NCOA2: variants seen among roughly 807,000 people sequenced by gnomAD.
NCOA2 encodes class E basic helix-loop-helix protein 75.
Under a neutral mutation model 145.1 loss-of-function variants are expected in NCOA2, and 21 were observed. The ratio of observed to expected loss-of-function variants is 0.14; its 90% CI spans 0.10 to 0.21. The LOEUF is 0.21. NCOA2 is among the 10% of genes least tolerant of loss of function. The pLI is 1.00. For synonymous variants in NCOA2, 619 were observed against 637.5 expected (o/e 0.97, Z 0.44); for missense variants, 1,472 against 1,837.6 (o/e 0.80, Z 3.64).
At chr8:70,441,564 GAGAAAGAA>G in the NCOA2 span, among the ~76,000 whole-genome samples, 2 of 148,800 alleles carry the variant, frequency 1.3e-5, no homozygotes, top group African/African-American at 5.0e-5. Context: ...AGAGGAAAGA[GAGAAAGAA>G]AGAGAAAGAA....
chr8:70,120,836 G>A (rs1807722021), intron 22 of NCOA2, among the ~76,000 whole-genome samples: 2 of 152,074 alleles, frequency 1.3e-5, no homozygotes, highest in Non-Finnish European at 2.9e-5. Flanking sequence ...TAAACACAAC[G>A]AAATATAGAA....
chr8:70,249,733 CG>C (rs1822944640), intron 2 of NCOA2, among the ~76,000 whole-genome samples: 1 of 151,714 alleles, frequency 6.6e-6, no homozygotes, highest in Admixed American at 6.6e-5. Flanking sequence ...GAGGCCGAGG[CG>C]GGCAGATCAC....
At chr8:70,428,841 A>G in the NCOA2 span, among the ~76,000 whole-genome samples, 1 of 142,568 alleles carries the variant, frequency 7.0e-6, no homozygotes. Context: ...GCAATCTAAC[A>G]TGTGCCCATG....
chr8:70,181,758 C>A (rs1050385967), intron 4 of NCOA2, among the ~76,000 whole-genome samples: 1 of 152,184 alleles, frequency 6.6e-6, no homozygotes, highest in African/African-American at 2.4e-5. Context: ...ATTACCTCCA[C>A]AACAAATTTG....
the NCOA2 span, among the ~76,000 whole-genome samples, chr8:70,417,833 T>C: frequency 6.6e-6 from 1 of 152,212 alleles, no homozygotes; most frequent in Non-Finnish European, 1.5e-5. Flanking sequence ...CTCCATTGTG[T>C]AGTTGCTGAC....
chr8:70,292,103 G>T (rs936360875), intron 2 of NCOA2, among the ~76,000 whole-genome samples: 1 of 151,672 alleles, frequency 6.6e-6, no homozygotes, highest in Non-Finnish European at 1.5e-5. Context: ...TTTGAATAGG[G>T]AGACATATAA....
At chr8:70,418,175 T>C in the NCOA2 span, among the ~76,000 whole-genome samples, 1 of 152,188 alleles carries the variant, frequency 6.6e-6, no homozygotes, top group African/African-American at 2.4e-5. Flanking sequence ...TTATTGACAC[T>C]TACTTAGAAC....
chr8:70,169,587 G>A (rs776042152), intron 6 of NCOA2, among the ~76,000 whole-genome samples: 1 of 152,120 alleles, frequency 6.6e-6, no homozygotes, highest in Non-Finnish European at 1.5e-5. Flanking sequence ...GCATGGAACA[G>A]GGTGAGGCAA....
the NCOA2 span, among the ~76,000 whole-genome samples, chr8:70,440,768 A>G: frequency 7.1e-6 from 1 of 141,290 alleles, no homozygotes; most frequent in African/African-American, 2.5e-5. Flanking sequence ...AGAGGAAAGA[A>G]AGGAAAGAAA....
intron 15 of NCOA2, among the ~76,000 whole-genome samples, chr8:70,132,857 C>T (rs895985117): frequency 5.3e-5 from 8 of 152,202 alleles, no homozygotes; most frequent in East Asian, 1.9e-4. Flanking sequence ...TGAGCTACCA[C>T]ACCTGGCCTG....
At chr8:70,206,929 C>T (rs571582915) in intron 4 of NCOA2, among the ~76,000 whole-genome samples, 5 of 152,274 alleles carry the variant, frequency 3.3e-5, no homozygotes, top group African/African-American at 1.2e-4. Context: ...GAAGCCTGTG[C>T]CAGCTTCTTT....
At chr8:70,164,958 A>G (rs982965607) in intron 7 of NCOA2, among the ~76,000 whole-genome samples, 3 of 152,122 alleles carry the variant, frequency 2.0e-5, no homozygotes, top group Non-Finnish European at 2.9e-5. Context: ...GTCCAATGTC[A>G]CGCAAACCTT....
chr8:70,251,650 T>C (rs1430620854), intron 2 of NCOA2, among the ~76,000 whole-genome samples: 2 of 152,360 alleles, frequency 1.3e-5, no homozygotes, highest in South Asian at 2.1e-4. Context: ...CTTATAAACC[T>C]TGGGCTTCCA....
intron 1 of NCOA2, among the ~76,000 whole-genome samples, chr8:70,361,608 A>G (rs1406775387): frequency 6.6e-6 from 1 of 152,242 alleles, no homozygotes; most frequent in Admixed American, 6.5e-5. Context: ...ATTTTGACAT[A>G]TATTATCTCC....
intron 19 of NCOA2, among the ~76,000 whole-genome samples, chr8:70,126,044 G>T (rs1392851724): frequency 1.3e-5 from 2 of 152,146 alleles, no homozygotes; most frequent in East Asian, 3.8e-4. Flanking sequence ...TTATCTTTCT[G>T]TTCTTTAAAG....
chr8:70,315,149 T>C (rs1308492460), intron 1 of NCOA2, among the ~76,000 whole-genome samples: 3 of 152,338 alleles, frequency 2.0e-5, no homozygotes, highest in Non-Finnish European at 2.9e-5. Context: ...AGCTTGTTGA[T>C]GATGCTGATG....
At chr8:70,388,327 A>G (rs576984095) in intron 1 of NCOA2, among the ~76,000 whole-genome samples, 10 of 152,304 alleles carry the variant, frequency 6.6e-5, no homozygotes, top group Admixed American at 4.6e-4. Flanking sequence ...GAAACATACT[A>G]TAATATTTTC....
At chr8:70,390,314 C>T (rs541218701) in intron 1 of NCOA2, among the ~76,000 whole-genome samples, 3 of 152,134 alleles carry the variant, frequency 2.0e-5, no homozygotes, top group African/African-American at 7.2e-5. Context: ...GAGGAGATAA[C>T]TTCATTGTGT....
chr8:70,451,400 CAAAAAAAAAAA>C, the NCOA2 span, among the ~76,000 whole-genome samples: 1 of 67,512 alleles, frequency 1.5e-5, no homozygotes, highest in African/African-American at 6.0e-5. Flanking sequence ...AGAGTGAGAC[CAAAAAAAAAAA>C]AAAAAAAAAA....
Sources: gnomAD v4.1 joint callset for allele counts (sites outside exome capture counted in the v4.1 genomes callset) on GRCh38, gnomAD v4.1.1 for gene constraint, MANE v1.5 for transcripts, NCBI Gene and HGNC (gene_info 2026-07-23, HGNC 2026-07-21) for gene names.